The following PIAS1 variants were observed in gnomAD, a reference collection of about 807,000 sequenced individuals.
PIAS1 encodes the protein E3 SUMO-protein ligase PIAS1.
In PIAS1, 6 loss-of-function variants were observed where a neutral mutation model predicts 71.3. That is an observed-to-expected ratio of 0.08 (90% CI 0.05 to 0.17). The LOEUF (loss-of-function observed/expected upper bound fraction) is 0.17. Ranked by LOEUF, PIAS1 falls within the 10% of genes least tolerant of loss-of-function variation. The pLI is 1.00. For missense variants in PIAS1, 555 were observed against 793.6 expected (o/e 0.70, Z 3.61); for synonymous variants, 303 against 292.9 (o/e 1.03, Z -0.35).
At chr15:68,119,091 C>A (rs537082440) in intron 2 of PIAS1, among the ~76,000 whole-genome samples, 1 of 98,996 alleles carries the variant, frequency 1.0e-5, no homozygotes, top group South Asian at 4.0e-4. Flanking sequence ...AGCAACAAAC[C>A]AAATAACCCA....
At chr15:68,081,341 C>G (rs75652106) in intron 1 of PIAS1, among the ~76,000 whole-genome samples, 1 of 151,982 alleles carries the variant, frequency 6.6e-6, no homozygotes, top group Non-Finnish European at 1.5e-5. Context: ...AAAGGGAATC[C>G]AAACAAAATA....
intron 2 of PIAS1, chr15:68,087,820 G>T (rs1270183358): frequency 1.1e-5 from 4 of 352,598 alleles, no homozygotes; most frequent in African/African-American, 6.4e-5. Flanking sequence ...AATATGAAGT[G>T]TTTGTTTTTA....
At position 68,088,176 on chromosome 15, in the gene PIAS1, G is replaced by GTATGTGTATATA. The variant is rs1555424823; in HGVS notation, c.469+1429_469+1430insGTGTATATATAT. ...TTCTTGTCTGTCTGATTATGTGTGT[G>GTATGTGTATATA]TATATATATATATATATATATATAT... On this transcript the variant is annotated intron_variant, in intron 2 of 13. Coordinates refer to ENST00000249636, the MANE Select transcript of PIAS1 (RefSeq NM_016166.3). Among the ~76,000 whole-genome samples, 8 of 72,998 alleles carry GTATGTGTATATA rather than the reference G, an allele frequency of 1.1e-4. 1 individual carries two copies. The highest frequency in any genetic ancestry group is 5.0e-4 in the African/African-American group (8 of 16,144). 47.9% of individuals were successfully genotyped at this position (72,998 alleles called of 152,430 possible).
At chr15:68,125,537 C>T (rs1328857976) in intron 2 of PIAS1, among the ~76,000 whole-genome samples, 1 of 152,078 alleles carries the variant, frequency 6.6e-6, no homozygotes, top group African/African-American at 2.4e-5. Flanking sequence ...TAAAGCATGC[C>T]TGAAAATGTT....
chr15:68,179,840 A>C (rs1217625254), intron 11 of PIAS1, among the ~76,000 whole-genome samples: 4 of 151,740 alleles, frequency 2.6e-5, no homozygotes, highest in African/African-American at 9.7e-5. Flanking sequence ...GGCCTCCCAA[A>C]GTGCTGGGAT....
At chr15:68,084,935 GGAAA>G (rs1311871780) in intron 1 of PIAS1, among the ~76,000 whole-genome samples, 1 of 152,164 alleles carries the variant, frequency 6.6e-6, no homozygotes, top group Non-Finnish European at 1.5e-5. Flanking sequence ...TGGACCTTGA[GGAAA>G]GAGTTTTCCA....
intron 1 of PIAS1, among the ~76,000 whole-genome samples, chr15:68,072,796 A>AT (rs1219211330): frequency 1.3e-5 from 2 of 152,092 alleles, no homozygotes; most frequent in Non-Finnish European, 1.5e-5. Context: ...AATTAGATTT[A>AT]TTTTTTTATG....
chr15:68,165,183 G>C (rs2092949713), intron 8 of PIAS1, among the ~76,000 whole-genome samples: 1 of 152,108 alleles, frequency 6.6e-6, no homozygotes, highest in African/African-American at 2.4e-5. Context: ...GTGCAATGGT[G>C]CCATCTCGGC....
chr15:68,091,716 G>A (rs758798882), intron 2 of PIAS1, among the ~76,000 whole-genome samples: 3 of 152,138 alleles, frequency 2.0e-5, no homozygotes, highest in Non-Finnish European at 2.9e-5. Flanking sequence ...TACCAAACAT[G>A]ATAGGTTAGC....
At chr15:68,120,794 A>T (rs1328635797) in intron 2 of PIAS1, among the ~76,000 whole-genome samples, 1 of 152,136 alleles carries the variant, frequency 6.6e-6, no homozygotes, top group Non-Finnish European at 1.5e-5. Flanking sequence ...AGCTGGGATT[A>T]CAGGCACCCG....
chr15:68,141,311 C>T (rs1390992464), intron 2 of PIAS1, among the ~76,000 whole-genome samples: 4 of 152,126 alleles, frequency 2.6e-5, no homozygotes, highest in African/African-American at 7.2e-5. Flanking sequence ...ATGCGTTTCT[C>T]TTTCTTCCCA....
At chr15:68,102,459 T>C (rs1013116861) in intron 2 of PIAS1, among the ~76,000 whole-genome samples, 3 of 152,230 alleles carry the variant, frequency 2.0e-5, no homozygotes, top group African/African-American at 4.8e-5. Flanking sequence ...AATTTTAGAA[T>C]TATCTTCTCG....
chr15:68,065,211 T>C (rs569529282), intron 1 of PIAS1, among the ~76,000 whole-genome samples: 2 of 152,284 alleles, frequency 1.3e-5, no homozygotes, highest in East Asian at 3.9e-4. Context: ...TTTTAAAATT[T>C]AAAATTTACA....
intron 6 of PIAS1, among the ~76,000 whole-genome samples, chr15:68,152,108 C>G (rs149675631): frequency 1.3e-5 from 2 of 150,992 alleles, no homozygotes; most frequent in Non-Finnish European, 3.0e-5. Context: ...TGCTACCACA[C>G]CCGGCTAGTT....
chr15:68,181,465 C>A, intron 12 of PIAS1, 111 bp downstream of exon 12: 1 of 1,020,106 alleles, frequency 9.8e-7, no homozygotes, highest in Non-Finnish European at 1.4e-6. Context: ...GCCAACAGGG[C>A]CTTGGACCCA....
At chr15:68,085,951 A>G (rs896061289) in intron 1 of PIAS1, among the ~76,000 whole-genome samples, 2 of 152,198 alleles carry the variant, frequency 1.3e-5, no homozygotes, top group African/African-American at 4.8e-5. Flanking sequence ...ACGTTTTGCC[A>G]TCTACATAGC....
chr15:68,130,933 G>A (rs767363366), intron 2 of PIAS1, among the ~76,000 whole-genome samples: 11 of 152,238 alleles, frequency 7.2e-5, no homozygotes, highest in East Asian at 1.9e-4. Flanking sequence ...GGTAGGCACT[G>A]TTATAAGCGG....
intron 2 of PIAS1, among the ~76,000 whole-genome samples, chr15:68,132,580 A>G (rs769905167): frequency 4.6e-5 from 7 of 152,198 alleles, no homozygotes; most frequent in East Asian, 1.9e-4. Context: ...GGCCTATACA[A>G]TAAGACATGA....
intron 7 of PIAS1, 71 bp from the exon 8 acceptor site, chr15:68,164,660 A>G: frequency 1.3e-6 from 1 of 781,106 alleles, no homozygotes; most frequent in Non-Finnish European, 2.2e-6. Flanking sequence ...TATTCTTTAT[A>G]GTAATGCTCC....
Sources: gnomAD v4.1 joint callset for allele counts (sites outside exome capture counted in the v4.1 genomes callset) on GRCh38, gnomAD v4.1.1 for gene constraint, MANE v1.5 for transcripts, NCBI Gene and HGNC (gene_info 2026-07-23, HGNC 2026-07-21) for gene names.